The following STK38 variants were observed in gnomAD, a reference collection of about 807,000 sequenced individuals.
STK38 encodes the protein serine/threonine kinase 38.
In STK38, 26 loss-of-function variants were observed where a neutral mutation model predicts 59.0. That is an observed-to-expected ratio of 0.44 (90% confidence interval 0.32 to 0.61). STK38 has a LOEUF of 0.61. Among genes scored for constraint, STK38 ranks in the 20% least tolerant of loss-of-function variants. STK38 has a pLI of 0.04. For missense variants in STK38, 433 were observed against 566.0 expected, an observed-to-expected ratio of 0.76 and a Z score of 2.38; for synonymous variants, 175 against 176.6, an observed-to-expected ratio of 0.99 and a Z score of 0.07.
At position 36,498,504 on chromosome 6, in the gene STK38, C is replaced by T; in HGVS notation, c.953-18G>A. On this transcript the variant is annotated intron_variant, in intron 10 of 13. Transcript: ENST00000229812. The stretch of plus-strand genomic sequence containing the variant: ...TGGGTAGCCTGTAATAAAAAAGGAA[C>T]TTCGGAGCTTTTACACTCCAGAACT... 1 of 1,605,176 alleles carries T rather than the reference C, an allele frequency of 6.2e-7. No homozygotes were observed. The highest frequency in any genetic ancestry group is 8.5e-7 in the Non-Finnish European group (1 of 1,177,676).
chr6:36,509,873 G>A (rs951070707), intron 7 of STK38, among the ~76,000 whole-genome samples: 1 of 152,176 alleles, frequency 6.6e-6, no homozygotes, highest in African/African-American at 2.4e-5. Flanking sequence ...AGGAGACCCG[G>A]AGTAGATAGC....
chr6:36,546,732 G>A (rs1778061505), intron 1 of STK38, among the ~76,000 whole-genome samples: 1 of 152,162 alleles, frequency 6.6e-6, no homozygotes, highest in Non-Finnish European at 1.5e-5. Context: ...GACTAACGGA[G>A]AAAGGAGCCG....
intron 7 of STK38, among the ~76,000 whole-genome samples, chr6:36,512,162 T>C (rs542922929): frequency 6.2e-4 from 95 of 152,356 alleles, no homozygotes; most frequent in Non-Finnish European, 9.6e-4. Flanking sequence ...GGGAATTCTA[T>C]AGCTATTCTG....
At chr6:36,510,943 A>C (rs915894573) in intron 7 of STK38, among the ~76,000 whole-genome samples, 3 of 152,222 alleles carry the variant, frequency 2.0e-5, no homozygotes, top group Admixed American at 6.5e-5. Context: ...CTCCCAACAC[A>C]GTATCTGGCA....
intron 2 of STK38, among the ~76,000 whole-genome samples, chr6:36,528,525 G>C (rs1440484922): frequency 6.6e-6 from 1 of 152,126 alleles, no homozygotes; most frequent in East Asian, 1.9e-4. Flanking sequence ...ACAGGAAACA[G>C]AGAGAGGAAC....
Position 36,545,289 on chromosome 6 carries a change from GAAAAAAAAA to G in STK38, c.-6+1892_-6+1900del, listed in dbSNP as rs58104312. On this transcript the variant is annotated intron_variant, in intron 1 of 13. Transcript: ENST00000229812. ...GCCTGGGTGAGTGAGACTCCGTCTG[GAAAAAAAAA>G]AAAAAAAAAAAAAAAAAGAATAAAG... Among the ~76,000 whole-genome samples, 123 of 60,524 alleles carry G rather than the reference GAAAAAAAAA, an allele frequency of 2.0e-3. 1 individual carries two copies. Among genetic ancestry groups the G allele is most frequent in the African/African-American group, 2.9e-3 (45 of 15,298 alleles). The allele number at this position is 60,524 out of a possible 152,430, so 39.7% of individuals were successfully genotyped here.
chr6:36,503,942 G>A (rs1212785994), intron 9 of STK38, among the ~76,000 whole-genome samples: 3 of 152,122 alleles, frequency 2.0e-5, no homozygotes, highest in African/African-American at 7.2e-5. Context: ...TTCCACACCA[G>A]GGTGTCCTCC....
intron 2 of STK38, among the ~76,000 whole-genome samples, chr6:36,527,272 A>G (rs1180985755): frequency 2.0e-5 from 3 of 147,446 alleles, no homozygotes; most frequent in East Asian, 2.0e-4. Flanking sequence ...ATATGTACAC[A>G]TGTATACATA....
intron 1 of STK38, among the ~76,000 whole-genome samples, chr6:36,545,046 T>C (rs1294475236): frequency 1.3e-5 from 2 of 151,748 alleles, no homozygotes; most frequent in Non-Finnish European, 2.9e-5. Flanking sequence ...TCCCAGAACT[T>C]TGGGAGGCTG....
intron 2 of STK38, among the ~76,000 whole-genome samples, chr6:36,535,162 G>A (rs1777759024): frequency 6.6e-6 from 1 of 152,080 alleles, no homozygotes; most frequent in Non-Finnish European, 1.5e-5. Context: ...CTTAAAAATG[G>A]AGACATGGGC....
chr6:36,514,559 A>G (rs767689305), intron 7 of STK38, among the ~76,000 whole-genome samples: 9 of 152,170 alleles, frequency 5.9e-5, no homozygotes, highest in Non-Finnish European at 1.2e-4. Flanking sequence ...CCAGGTGGTA[A>G]AGAGATTTGC....
chr6:36,520,336 C>T (rs564291804), intron 5 of STK38, among the ~76,000 whole-genome samples: 10 of 152,272 alleles, frequency 6.6e-5, no homozygotes, highest in African/African-American at 2.4e-4. Flanking sequence ...TGCGAAAAGG[C>T]TTTTTACACA....
chr6:36,532,530 C>A (rs987841513), intron 2 of STK38, among the ~76,000 whole-genome samples: 1 of 152,008 alleles, frequency 6.6e-6, no homozygotes, highest in Admixed American at 6.6e-5. Flanking sequence ...AATCCCAGCA[C>A]TTTGGGAGGC....
intron 10 of STK38, 96 bp from the exon 11 acceptor site, chr6:36,498,582 C>CTTTTTTTT (rs1219622406): frequency 2.1e-5 from 22 of 1,039,250 alleles, no homozygotes; most frequent in South Asian, 1.1e-4. Flanking sequence ...CTTTTTTTTT[C>CTTTTTTTT]TTTTTTCTTT....
intron 7 of STK38, 110 bp from the exon 8 acceptor site, chr6:36,507,712 T>C (rs565669919): frequency 3.0e-6 from 2 of 665,242 alleles, no homozygotes; most frequent in East Asian, 5.4e-5. Flanking sequence ...CAAAGTACAC[T>C]GCTCCTTCTT....
At chr6:36,526,214 T>G (rs955333322) in intron 2 of STK38, among the ~76,000 whole-genome samples, 1 of 128,154 alleles carries the variant, frequency 7.8e-6, no homozygotes, top group African/African-American at 3.3e-5. Flanking sequence ...TCTCTTGGTT[T>G]TGGGTGTTTT....
intron 4 of STK38, among the ~76,000 whole-genome samples, chr6:36,522,748 C>T (rs904273873): frequency 2.0e-5 from 3 of 146,890 alleles, no homozygotes; most frequent in Non-Finnish European, 4.5e-5. Flanking sequence ...CCCAGTTATT[C>T]GGGAGGCTAA....
intron 2 of STK38, among the ~76,000 whole-genome samples, chr6:36,534,127 C>T (rs529919530): frequency 1.3e-5 from 2 of 152,090 alleles, no homozygotes; most frequent in South Asian, 2.1e-4. Context: ...GGGTTTTACC[C>T]CTGAAACGTA....
intron 5 of STK38, among the ~76,000 whole-genome samples, chr6:36,518,316 G>A (rs1029929872): frequency 2.6e-5 from 4 of 152,152 alleles, no homozygotes; most frequent in Non-Finnish European, 4.4e-5. Context: ...TCACTGCTAT[G>A]TGCTCAATCA....
Sources: gnomAD v4.1 joint callset for allele counts (sites outside exome capture counted in the v4.1 genomes callset) on GRCh38, gnomAD v4.1.1 for gene constraint, MANE v1.5 for transcripts, NCBI Gene and HGNC (gene_info 2026-07-23, HGNC 2026-07-21) for gene names.